SMCHD1: variants seen among roughly 807,000 people sequenced by gnomAD.
SMCHD1 encodes structural maintenance of chromosomes flexible hinge domain containing 1.
In SMCHD1, 78 loss-of-function variants were observed where a neutral mutation model predicts 254.7. That is an observed-to-expected ratio of 0.31 (90% CI 0.26 to 0.37). The LOEUF is 0.37. Ranked by LOEUF, SMCHD1 falls within the 10% of genes least tolerant of loss-of-function variation. SMCHD1 has a pLI of 1.00. For synonymous variants in SMCHD1, 766 were observed against 794.9 expected (o/e 0.96, Z 0.61); for missense variants, 1,840 against 2,408.1 (o/e 0.76, Z 4.94).
In SMCHD1 at chr18:2,707,873, A is replaced by G; in HGVS notation, c.2213A>G (p.His738Arg). 1 of 1,608,686 alleles carries G rather than the reference A, an allele frequency of 6.2e-7. No homozygotes were observed. The highest frequency in any genetic ancestry group is 8.5e-7 in the Non-Finnish European group (1 of 1,177,524). ...ATGCAAAAGCTTCCAGGAACAAGCC[A>G]TGGAGGGTCAAAGAAACTCCTGGTT... ...EAMQKLPGTS[H>R]GGSKKLLVEL... Residue 738 changes from histidine (H) to arginine (R), a missense_variant, in exon 17 of 48, where the codon CAT becomes CGT. By Grantham distance (29) the His-to-Arg change is conservative. Coordinates refer to ENST00000320876, the MANE Select transcript of SMCHD1 (RefSeq NM_015295.3).
intron 17 of SMCHD1, among the ~76,000 whole-genome samples, chr18:2,714,725 C>G (rs12604109): frequency 2.0e-5 from 3 of 151,594 alleles, no homozygotes. Flanking sequence ...TTTGACTGTT[C>G]CTTGTAGATC....
chr18:2,668,243 CTG>C (rs1242784225), intron 3 of SMCHD1, among the ~76,000 whole-genome samples: 1 of 151,906 alleles, frequency 6.6e-6, no homozygotes, highest in African/African-American at 2.4e-5. Context: ...ACAAATGACT[CTG>C]AATGTTCTTG....
intron 1 of SMCHD1, among the ~76,000 whole-genome samples, chr18:2,657,404 C>T (rs2073101731): frequency 6.6e-6 from 1 of 152,140 alleles, no homozygotes; most frequent in Non-Finnish European, 1.5e-5. Context: ...AGTAGATTCC[C>T]GTTGTGTTTG....
In SMCHD1 at chr18:2,803,931, C is replaced by G. The variant is rs1434836584; in HGVS notation, c.*1379C>G. On this transcript the variant is annotated 3_prime_UTR_variant, in exon 48 of 48. Coordinates refer to ENST00000320876, the MANE Select transcript of SMCHD1 (RefSeq NM_015295.3). The stretch of plus-strand genomic sequence containing the variant: ...AATTTAGCATCCCTAATCCAAAAAT[C>G]TTTCATTAGAAATTGGAAATGCTTC... 1 of 152,076 alleles carries G rather than the reference C, an allele frequency of 6.6e-6. No individual in the cohort carries two copies. The highest frequency in any genetic ancestry group is 1.5e-5 in the Non-Finnish European group (1 of 68,000). 9.4% of individuals were successfully genotyped at this position (152,076 alleles called of 1,614,324 possible).
Position 2,728,421 on chromosome 18 carries a change from C to T in SMCHD1, c.2774-36C>T, listed in dbSNP as rs2075066530. On this transcript the variant is annotated intron_variant, in intron 22 of 47. Coordinates refer to ENST00000320876, the MANE Select transcript of SMCHD1 (RefSeq NM_015295.3). The stretch of plus-strand genomic sequence containing the variant: ...TATTTCAGTACTTTAGTCTTTGAAA[C>T]CTGAATATGTATTTCATTGTATAAT... 5.6e-6 allele frequency: 9 copies of T among 1,597,922 alleles called. No homozygotes were observed. In the East Asian group the frequency reaches 2.0e-4, roughly 36 times the overall value.
chr18:2,740,891 A>G (rs2075337474), intron 28 of SMCHD1, 70 bp downstream of exon 28: 1 of 802,502 alleles, frequency 1.2e-6, no homozygotes, highest in Non-Finnish European at 1.9e-6. Context: ...AAGTTTGGGA[A>G]AAACTAGTAT....
At chr18:2,725,834 A>T (rs2075017423) in intron 21 of SMCHD1, among the ~76,000 whole-genome samples, 1 of 151,868 alleles carries the variant, frequency 6.6e-6, no homozygotes, top group African/African-American at 2.4e-5. Flanking sequence ...GATTTTAAAA[A>T]CCTTTTTATT....
chr18:2,796,553 G>T (rs1407041668), intron 47 of SMCHD1, 32 bp downstream of exon 47: 1 of 1,412,536 alleles, frequency 7.1e-7, no homozygotes, highest in South Asian at 1.2e-5. Context: ...ATTATGCTTG[G>T]TTAGTTTACC....
At chr18:2,782,602 G>A (rs972879813) in intron 44 of SMCHD1, among the ~76,000 whole-genome samples, 3 of 151,062 alleles carry the variant, frequency 2.0e-5, no homozygotes, top group South Asian at 2.1e-4. Context: ...AAAAGTAACC[G>A]GGCATGGTGG....
At chr18:2,777,056 A>ACCCCCCCC (rs140799401) in intron 42 of SMCHD1, among the ~76,000 whole-genome samples, 52 of 90,694 alleles carry the variant, frequency 5.7e-4, no homozygotes, top group Non-Finnish European at 9.0e-4. Context: ...GGCATGCACC[A>ACCCCCCCC]CCACCTCCCC....
At chr18:2,800,382 T>C (rs1165366873) in intron 47 of SMCHD1, 1 of 152,122 alleles carries the variant, frequency 6.6e-6, no homozygotes, top group East Asian at 1.9e-4. Context: ...TAAATGTTGG[T>C]ATATTGGCTT....
chr18:2,695,652 GT>G (rs2074271373), intron 8 of SMCHD1, among the ~76,000 whole-genome samples: 1 of 151,990 alleles, frequency 6.6e-6, no homozygotes, highest in African/African-American at 2.4e-5. Context: ...ACGATTTACT[GT>G]ATTGTTTCCC....
At chr18:2,764,987 TC>T (rs1459653896) in intron 37 of SMCHD1, among the ~76,000 whole-genome samples, 16 of 152,240 alleles carry the variant, frequency 1.1e-4, no homozygotes, top group African/African-American at 3.6e-4. Flanking sequence ...TATATGTCTA[TC>T]TTACTCATAT....
chr18:2,758,140 T>C (rs1158426447), intron 34 of SMCHD1, among the ~76,000 whole-genome samples: 1 of 152,210 alleles, frequency 6.6e-6, no homozygotes, highest in Non-Finnish European at 1.5e-5. Context: ...TGTCTTCTCA[T>C]TGAAAGTTTA....
intron 8 of SMCHD1, among the ~76,000 whole-genome samples, chr18:2,696,457 G>C (rs763918078): frequency 2.0e-5 from 3 of 152,134 alleles, no homozygotes; most frequent in Non-Finnish European, 4.4e-5. Context: ...CTCCTTATGA[G>C]ACTCTAGTGC....
At position 2,697,996 on chromosome 18, in the gene SMCHD1, T is replaced by G. The variant is rs375376651; in HGVS notation, c.1297T>G (p.Leu433Val). 1 of 1,613,390 alleles carries G rather than the reference T, an allele frequency of 6.2e-7. No homozygotes were observed. The highest frequency in any genetic ancestry group is 1.3e-5 in the African/African-American group (1 of 74,928). ...VEGIIRYHPFLYDRETYPDDP... is the reference protein window; with the variant it reads ...VEGIIRYHPFVYDRETYPDDP... The stretch of plus-strand genomic sequence containing the variant: ...AGGGATTATCCGTTATCATCCATTC[T>G]TATATGATAGAGAAACTTACCCTGA... Residue 433 changes from leucine (L) to valine (V), a missense_variant, in exon 10 of 48, where the codon TTA becomes GTA. Leu to Val is a conservative substitution (Grantham distance 32, BLOSUM62 1). Around this residue, in one of 9 missense-constraint regions of SMCHD1, gnomAD observed 498 missense variants for 743.5 expected, o/e 0.67. Transcript: ENST00000320876.
intron 17 of SMCHD1, among the ~76,000 whole-genome samples, chr18:2,708,226 C>A (rs1006329060): frequency 2.2e-5 from 3 of 137,272 alleles, no homozygotes; most frequent in Non-Finnish European, 3.3e-5. Flanking sequence ...TATTACAGTT[C>A]TAATAATTAC....
intron 45 of SMCHD1, 152 bp downstream of exon 45, chr18:2,784,773 T>A: frequency 2.4e-6 from 2 of 837,482 alleles, no homozygotes; most frequent in South Asian, 3.0e-5. Flanking sequence ...TACTTTCAGC[T>A]TTTTTATATC....
At chr18:2,679,480 C>A (rs868250374) in intron 5 of SMCHD1, among the ~76,000 whole-genome samples, 27 of 58,686 alleles carry the variant, frequency 4.6e-4, no homozygotes, top group Non-Finnish European at 5.1e-4. Flanking sequence ...ACTCCATCTC[C>A]AAAAAAAAAA....
Sources: allele counts gnomAD v4.1 joint callset (sites outside exome capture counted in the v4.1 genomes callset), GRCh38; gene constraint gnomAD v4.1.1; regional missense constraint gnomAD v4.1.1; transcripts MANE v1.5; gene names NCBI Gene and HGNC (gene_info 2026-07-23, HGNC 2026-07-21).